TEC: variants seen among roughly 807,000 people sequenced by gnomAD.
The protein encoded by TEC is tec protein tyrosine kinase, also known as tyrosine-protein kinase Tec.
A neutral mutation model predicts 93.0 loss-of-function variants in TEC; 72 were observed. The ratio of observed to expected loss-of-function variants is 0.77; its 90% CI spans 0.64 to 0.94. TEC has a LOEUF of 0.94. Among genes scored for constraint, TEC ranks in the 40% least tolerant of loss-of-function variants. TEC has a pLI of 0.00. For synonymous variants in TEC, 249 were observed against 247.7 expected (o/e 1.01, Z -0.05); for missense variants, 630 against 757.9 (o/e 0.83, Z 1.98).
rs546066535 is a variant in TEC, at chr4:48,186,111, G to C, written c.139-9925C>G. 3.9e-5 allele frequency among the ~76,000 whole-genome samples: 6 copies of C among 152,276 alleles called. 1 individual carries two copies. In the East Asian group the frequency reaches 1.2e-3, roughly 29 times the overall value. Reference sequence around the variant, plus strand: ...TGACCGTGAGTGATCTGCCTGCCTCGGCCTCCCGAGGTGCCGGGATTGCAG... The same window carrying C: ...TGACCGTGAGTGATCTGCCTGCCTCCGCCTCCCGAGGTGCCGGGATTGCAG... On this transcript the variant is annotated intron_variant, in intron 2 of 17. Coordinates refer to ENST00000381501, the MANE Select transcript of TEC (RefSeq NM_003215.3).
intron 3 of TEC, among the ~76,000 whole-genome samples, chr4:48,171,944 T>C: frequency 6.6e-6 from 1 of 152,206 alleles, no homozygotes. Context: ...TTTTCTATTT[T>C]ATAAATGAGA....
At chr4:48,250,199 G>A (rs1048969030) in intron 1 of TEC, among the ~76,000 whole-genome samples, 7 of 152,158 alleles carry the variant, frequency 4.6e-5, no homozygotes, top group African/African-American at 1.7e-4. Flanking sequence ...CCAAGTAAAT[G>A]GCCTCATAAT....
intron 1 of TEC, among the ~76,000 whole-genome samples, chr4:48,238,413 CCTTAT>C (rs1723840494): frequency 6.6e-6 from 1 of 152,018 alleles, no homozygotes; most frequent in South Asian, 2.1e-4. Flanking sequence ...TGCATAAAAC[CCTTAT>C]CTTTCACTAT....
At chr4:48,155,920 C>T (rs1283507771) in intron 9 of TEC, 7 of 152,166 alleles carry the variant, frequency 4.6e-5, no homozygotes, top group Non-Finnish European at 8.8e-5. Flanking sequence ...TTAAAACTTA[C>T]AGCAATTGAG....
At chr4:48,226,968 CAT>C (rs1723486241) in intron 2 of TEC, among the ~76,000 whole-genome samples, 1 of 152,144 alleles carries the variant, frequency 6.6e-6, no homozygotes. Context: ...GCACATATAT[CAT>C]ATGTTACATA....
At chr4:48,141,744 A>C (rs1352599956) in intron 14 of TEC, 3 of 228,624 alleles carry the variant, frequency 1.3e-5, no homozygotes, top group Non-Finnish European at 1.7e-5. Flanking sequence ...GTGCAGTGGC[A>C]CAATCTTGGC....
At chr4:48,249,899 A>G (rs1157532) in intron 1 of TEC, among the ~76,000 whole-genome samples, 118,014 of 152,146 alleles carry the variant, frequency 0.78, 46,646 homozygotes, top group African/African-American at 0.93. Context: ...TTCAAAGCAC[A>G]ATGTGAGTCT....
chr4:48,225,485 C>G (rs1012004209), intron 2 of TEC, among the ~76,000 whole-genome samples: 1 of 152,084 alleles, frequency 6.6e-6, no homozygotes, highest in East Asian at 1.9e-4. Context: ...CCCTCACATT[C>G]TTTTCCGAAT....
At chr4:48,196,094 T>C (rs1425493446) in intron 2 of TEC, among the ~76,000 whole-genome samples, 1 of 152,178 alleles carries the variant, frequency 6.6e-6, no homozygotes, top group African/African-American at 2.4e-5. Flanking sequence ...TCAACTTGAC[T>C]GGAAGAAGGA....
chr4:48,209,448 T>A (rs905902528), intron 2 of TEC, among the ~76,000 whole-genome samples: 1 of 151,174 alleles, frequency 6.6e-6, no homozygotes, highest in Non-Finnish European at 1.5e-5. Flanking sequence ...CAAAAAAAAA[T>A]TAAAAATAAC....
At chr4:48,138,511 T>G (rs940428816) in intron 17 of TEC, among the ~76,000 whole-genome samples, 154 bp downstream of exon 17, 1 of 152,200 alleles carries the variant, frequency 6.6e-6, no homozygotes, top group Non-Finnish European at 1.5e-5. Context: ...TTCCCGTTAT[T>G]CAGAACTTGA....
intron 8 of TEC, among the ~76,000 whole-genome samples, chr4:48,159,890 T>C (rs1209701544): frequency 6.6e-6 from 1 of 152,124 alleles, no homozygotes; most frequent in Non-Finnish European, 1.5e-5. Context: ...GCGTGAGAAC[T>C]CACTTCCTTG....
chr4:48,217,736 G>A (rs548676362), intron 2 of TEC, among the ~76,000 whole-genome samples: 1 of 151,852 alleles, frequency 6.6e-6, no homozygotes, highest in African/African-American at 2.4e-5. Flanking sequence ...CTGGACTTGG[G>A]GCTGGAGGGG....
intron 14 of TEC, chr4:48,141,742 G>T: frequency 4.3e-6 from 1 of 231,012 alleles, no homozygotes. Context: ...AAGTGCAGTG[G>T]CACAATCTTG....
chr4:48,256,574 AAC>A (rs1724351536), intron 1 of TEC, among the ~76,000 whole-genome samples: 1 of 142,470 alleles, frequency 7.0e-6, no homozygotes, highest in Non-Finnish European at 1.5e-5. Flanking sequence ...CAGCCTGGGC[AAC>A]AGAGCGAGAC....
At chr4:48,236,748 G>T (rs894375681) in intron 1 of TEC, among the ~76,000 whole-genome samples, 22 of 152,170 alleles carry the variant, frequency 1.4e-4, no homozygotes, top group African/African-American at 5.3e-4. Flanking sequence ...GTAGACAACA[G>T]AAACTGTCAC....
intron 2 of TEC, among the ~76,000 whole-genome samples, chr4:48,208,383 T>C (rs1722784582): frequency 6.6e-6 from 1 of 152,140 alleles, no homozygotes; most frequent in Admixed American, 6.5e-5. Context: ...CGTGGCAACA[T>C]ACATGAATTA....
At chr4:48,256,762 A>T (rs1724357955) in intron 1 of TEC, among the ~76,000 whole-genome samples, 1 of 152,160 alleles carries the variant, frequency 6.6e-6, no homozygotes, top group Non-Finnish European at 1.5e-5. Flanking sequence ...TATAACCTGC[A>T]CATTATATAT....
intron 1 of TEC, among the ~76,000 whole-genome samples, chr4:48,237,286 C>T (rs1376224425): frequency 6.7e-6 from 1 of 148,660 alleles, no homozygotes; most frequent in Non-Finnish European, 1.5e-5. Context: ...TGCGACTGCA[C>T]TTCAGCCTGG....
Sources: allele counts gnomAD v4.1 joint callset (sites outside exome capture counted in the v4.1 genomes callset), GRCh38; gene constraint gnomAD v4.1.1; transcripts MANE v1.5; gene names NCBI Gene and HGNC (gene_info 2026-07-23, HGNC 2026-07-21).